EPB41L4B: variants seen among roughly 807,000 people sequenced by gnomAD.
EPB41L4B encodes the protein erythrocyte membrane protein band 4.1 like 4B.
In EPB41L4B, 30 loss-of-function variants were observed where a neutral mutation model predicts 112.5. The observed-to-expected ratio is 0.27, with a 90% CI of 0.20 to 0.36. EPB41L4B has a LOEUF of 0.36. Among genes scored for constraint, EPB41L4B ranks in the 10% least tolerant of loss-of-function variants. The probability of loss-of-function intolerance (pLI) is 1.00; values close to 1 mark genes in which losing one functional copy is unlikely to be tolerated. For synonymous variants in EPB41L4B, 408 were observed against 439.7 expected, an observed-to-expected ratio of 0.93 and a Z score of 0.90; for missense variants, 1,024 against 1,133.3, an observed-to-expected ratio of 0.90 and a Z score of 1.38.
chr9:109,225,378 A>T (rs1204208991), intron 15 of EPB41L4B, among the ~76,000 whole-genome samples: 3 of 152,224 alleles, frequency 2.0e-5, no homozygotes, highest in African/African-American at 7.2e-5. Context: ...GCAATTTACA[A>T]AAGAAAGAGG....
At position 109,286,331 on chromosome 9, in the gene EPB41L4B, C is replaced by T. The variant is rs972729416; in HGVS notation, c.307-6410G>A. On this transcript the variant is annotated intron_variant, in intron 1 of 25. Transcript: ENST00000374566. ...GTTCTGGATGAGCCATGCTACAACA[C>T]TGACAACAGACTGGTGGTGCTCTAC... Among the ~76,000 whole-genome samples the T allele has an allele frequency of 1.1e-4, 16 of 152,088 alleles. 1 individual carries two copies. The highest frequency in any genetic ancestry group is 1.8e-4 in the Non-Finnish European group (12 of 68,010).
intron 4 of EPB41L4B, among the ~76,000 whole-genome samples, chr9:109,266,968 CAAAAAAAAAAAAAA>C (rs3061574): frequency 2.2e-4 from 20 of 91,746 alleles, no homozygotes; most frequent in East Asian, 3.6e-4. Context: ...GATTTTGTTT[CAAAAAAAAAAAAAA>C]AAAAAAAAAA....
At chr9:109,182,691 G>A in intron 24 of EPB41L4B, 38 bp downstream of exon 24, 1 of 1,498,174 alleles carries the variant, frequency 6.7e-7, no homozygotes, top group South Asian at 1.1e-5. Flanking sequence ...ATGGGAACAA[G>A]GGTTTAAAAT....
rs140399702 is a variant in EPB41L4B at position 109,226,169 on chromosome 9, A to T, written c.1410-9024T>A. On this transcript the variant is annotated intron_variant, in intron 15 of 25. Coordinates refer to ENST00000374566, the MANE Select transcript of EPB41L4B (RefSeq NM_019114.5). Reference sequence around the variant, plus strand: ...ACTTACACTGTTTACAGGAAACTTTACTTCTCAGGCTCCCTGTCCTCTGGC... The same window carrying T: ...ACTTACACTGTTTACAGGAAACTTTTCTTCTCAGGCTCCCTGTCCTCTGGC... Among the ~76,000 whole-genome samples the T allele has an allele frequency of 8.1e-4, 123 of 152,190 alleles. 1 individual carries two copies. Among genetic ancestry groups the T allele is most frequent in the African/African-American group, 2.7e-3 (114 of 41,526 alleles).
chr9:109,251,362 G>T, intron 13 of EPB41L4B, 119 bp downstream of exon 13: 1 of 981,846 alleles, frequency 1.0e-6, no homozygotes, highest in Non-Finnish European at 1.6e-6. Context: ...AGAAAAAGGG[G>T]AAAAAAATTA....
intron 6 of EPB41L4B, among the ~76,000 whole-genome samples, chr9:109,259,974 C>T (rs188630906): frequency 2.0e-4 from 30 of 152,196 alleles, no homozygotes; most frequent in Non-Finnish European, 3.5e-4. Context: ...AGGTGGAAAG[C>T]AGACTGTAGC....
rs117987662 is a variant in EPB41L4B, at chr9:109,287,880, G to A, written c.307-7959C>T. Among the ~76,000 whole-genome samples, 456 of 152,250 alleles carry A rather than the reference G, an allele frequency of 3.0e-3. 17 individuals are homozygous for A. In the East Asian group the frequency reaches 0.048, roughly 16 times the overall value. Reference sequence around the variant, plus strand: ...GCCTCCCAAAGTGCTGGGATTACAGGTGTGAGCCACCAATCCTGGCTGGCA... The same window carrying A: ...GCCTCCCAAAGTGCTGGGATTACAGATGTGAGCCACCAATCCTGGCTGGCA... On this transcript the variant is annotated intron_variant, in intron 1 of 25. Transcript: ENST00000374566.
intron 15 of EPB41L4B, 57 bp from the exon 16 acceptor site, chr9:109,217,202 G>A (rs1833407258): frequency 6.5e-7 from 1 of 1,532,002 alleles, no homozygotes; most frequent in African/African-American, 1.4e-5. Context: ...CAAGCCCTCT[G>A]TGTACTTTCA....
At chr9:109,224,847 A>AT (rs1291569799) in intron 15 of EPB41L4B, among the ~76,000 whole-genome samples, 1 of 152,110 alleles carries the variant, frequency 6.6e-6, no homozygotes, top group Non-Finnish European at 1.5e-5. Context: ...CATTTTGCAC[A>AT]TGGGGGGATG....
chr9:109,289,779 C>T lies in EPB41L4B; in HGVS notation c.307-9858G>A, dbSNP rs369940084. Among the ~76,000 whole-genome samples, 13 of 152,326 alleles carry T rather than the reference C, an allele frequency of 8.5e-5. No homozygotes were observed. The East Asian group carries it at 1.7e-3, about 20-fold the overall frequency. On this transcript the variant is annotated intron_variant, in intron 1 of 25. Transcript: ENST00000374566. ...TTTTATATACAAAATGCTAACAAGT[C>T]CTAGGTTAGAAAACAACCAAAATAG...
chr9:109,279,499 G>C (rs1039614406), intron 2 of EPB41L4B, among the ~76,000 whole-genome samples: 6 of 152,170 alleles, frequency 3.9e-5, no homozygotes. Flanking sequence ...TTACAGGCAC[G>C]AGCCACTGCC....
At chr9:109,222,122 T>C (rs180678366) in intron 15 of EPB41L4B, among the ~76,000 whole-genome samples, 11 of 152,282 alleles carry the variant, frequency 7.2e-5, no homozygotes, top group Admixed American at 6.5e-4. Flanking sequence ...AAGATATATA[T>C]GCAGGGAGTG....
At chr9:109,190,241 G>A (rs1485864798) in intron 22 of EPB41L4B, among the ~76,000 whole-genome samples, 2 of 152,300 alleles carry the variant, frequency 1.3e-5, no homozygotes, top group East Asian at 3.9e-4. Context: ...AGGAGGCAGG[G>A]GGCTAGAGAT....
chr9:109,307,444 T>C (rs2119248782), intron 1 of EPB41L4B, among the ~76,000 whole-genome samples: 1 of 152,300 alleles, frequency 6.6e-6, no homozygotes, highest in East Asian at 1.9e-4. Context: ...AGTGTCCCAT[T>C]GGATGTGTCA....
rs113361003 is a variant in EPB41L4B, at chr9:109,259,292, C to T, written c.632-995G>A. Reference sequence around the variant, plus strand: ...TAATAGTGGCTTTCGAATTTGGGTGCGCATCAGAATCACCTGGTGAGCTGG... The same window carrying T: ...TAATAGTGGCTTTCGAATTTGGGTGTGCATCAGAATCACCTGGTGAGCTGG... On this transcript the variant is annotated intron_variant, in intron 6 of 25. Coordinates refer to ENST00000374566, the MANE Select transcript of EPB41L4B (RefSeq NM_019114.5). 3.4e-4 allele frequency among the ~76,000 whole-genome samples: 52 copies of T among 152,300 alleles called. 1 individual carries two copies. Among genetic ancestry groups the T allele is most frequent in the Admixed American group, 2.6e-3 (39 of 15,288 alleles).
chr9:109,274,111 A>G (rs1748636704), intron 2 of EPB41L4B, among the ~76,000 whole-genome samples: 1 of 152,236 alleles, frequency 6.6e-6, no homozygotes, highest in Non-Finnish European at 1.5e-5. Context: ...TGCAAAGGCC[A>G]GAGGACGCAC....
chr9:109,303,541 T>C (rs1485363193), intron 1 of EPB41L4B, among the ~76,000 whole-genome samples: 1 of 152,018 alleles, frequency 6.6e-6, no homozygotes, highest in Non-Finnish European at 1.5e-5. Flanking sequence ...TTTGTAGAGA[T>C]AGGGTTTCAC....
At chr9:109,230,290 G>A (rs767754004) in intron 15 of EPB41L4B, among the ~76,000 whole-genome samples, 9 of 152,160 alleles carry the variant, frequency 5.9e-5, no homozygotes, top group Non-Finnish European at 7.3e-5. Context: ...GGTAACCTGG[G>A]CTCTCTGAAT....
intron 14 of EPB41L4B, among the ~76,000 whole-genome samples, chr9:109,244,148 G>C (rs903706490): frequency 5.3e-5 from 8 of 152,292 alleles, no homozygotes; most frequent in Admixed American, 2.0e-4. Context: ...GACTGGACAG[G>C]GATGCTAAGT....
Sources: gnomAD v4.1 joint callset for allele counts (sites outside exome capture counted in the v4.1 genomes callset) on GRCh38, gnomAD v4.1.1 for gene constraint, MANE v1.5 for transcripts, NCBI Gene and HGNC (gene_info 2026-07-23, HGNC 2026-07-21) for gene names.